Variants in CCSER1 observed in about 807,000 individuals in gnomAD.
The protein encoded by CCSER1 is coiled-coil serine rich protein 1.
CCSER1 carries 41 observed loss-of-function variants against 82.0 expected under a neutral mutation model. The observed-to-expected ratio is 0.50, with a 90% CI of 0.39 to 0.65. The LOEUF (loss-of-function observed/expected upper bound fraction) is 0.65, where lower values mean the gene tolerates loss of function less well. Ranked by LOEUF, CCSER1 falls within the 30% of genes least tolerant of loss-of-function variation. The pLI, the probability that CCSER1 is intolerant of heterozygous loss-of-function variation, is 0.00. For synonymous variants in CCSER1, 414 were observed against 383.9 expected, an observed-to-expected ratio of 1.08 and a Z score of -0.92; for missense variants, 1,119 against 1,064.2, an observed-to-expected ratio of 1.05 and a Z score of -0.72.
At chr4:91,006,535 G>C (rs1159873607) in intron 9 of CCSER1, among the ~76,000 whole-genome samples, 2 of 151,088 alleles carry the variant, frequency 1.3e-5, no homozygotes, top group Non-Finnish European at 2.9e-5. Flanking sequence ...TGTCACCCAG[G>C]ATGGAGTGCA....
intron 5 of CCSER1, among the ~76,000 whole-genome samples, chr4:90,618,224 T>G (rs1721659862): frequency 6.6e-6 from 1 of 152,050 alleles, no homozygotes; most frequent in Non-Finnish European, 1.5e-5. Flanking sequence ...TGAAAAGTAT[T>G]GGAAGCTTTA....
chr4:90,366,341 T>A (rs1482885843), intron 3 of CCSER1, among the ~76,000 whole-genome samples: 2 of 151,788 alleles, frequency 1.3e-5, no homozygotes, highest in African/African-American at 4.8e-5. Flanking sequence ...CTCTTTTTCT[T>A]CTAACAGAGA....
At chr4:90,552,543 C>A (rs1030428998) in intron 5 of CCSER1, among the ~76,000 whole-genome samples, 3 of 152,056 alleles carry the variant, frequency 2.0e-5, no homozygotes, top group African/African-American at 7.2e-5. Context: ...CTGCAACCTC[C>A]ACTTCCCGGG....
At position 90,790,368 on chromosome 4, in the gene CCSER1, A is replaced by G. The variant is rs146583252; in HGVS notation, c.2011-25394A>G. On this transcript the variant is annotated intron_variant, in intron 7 of 10. Coordinates refer to ENST00000509176, the MANE Select transcript of CCSER1 (RefSeq NM_001145065.2). ...ATTTATTGTTATGGAATAAATGACT[A>G]TGATTTGGTTTCTTTTGGTTTCTCT... Among the ~76,000 whole-genome samples the G allele has an allele frequency of 5.6e-3, 852 of 152,260 alleles. 10 individuals are homozygous for G. Among genetic ancestry groups the G allele is most frequent in the African/African-American group, 0.02 (815 of 41,544 alleles).
At chr4:90,891,337 C>A (rs1722941592) in intron 8 of CCSER1, among the ~76,000 whole-genome samples, 3 of 151,354 alleles carry the variant, frequency 2.0e-5, no homozygotes. Flanking sequence ...GTCAAGTAAA[C>A]ACAAAGATTA....
At chr4:90,913,871 C>A (rs1726847614) in intron 8 of CCSER1, among the ~76,000 whole-genome samples, 2 of 151,874 alleles carry the variant, frequency 1.3e-5, no homozygotes, top group African/African-American at 4.8e-5. Context: ...AGCCTTTAAA[C>A]CAACAAAAAT....
intron 9 of CCSER1, among the ~76,000 whole-genome samples, chr4:91,017,855 AAG>A (rs1739575545): frequency 6.7e-6 from 1 of 150,260 alleles, no homozygotes; most frequent in East Asian, 2.0e-4. Context: ...AAATTTTTTT[AAG>A]AGTCTCACTC....
At chr4:90,297,658 G>A (rs962599608) in intron 1 of CCSER1, among the ~76,000 whole-genome samples, 8 of 151,226 alleles carry the variant, frequency 5.3e-5, no homozygotes, top group Non-Finnish European at 1.0e-4. Flanking sequence ...ATTATTTTGA[G>A]ATACATCCCA....
chr4:91,298,542 G>A (rs141231835), intron 10 of CCSER1, among the ~76,000 whole-genome samples: 2 of 152,084 alleles, frequency 1.3e-5, no homozygotes, highest in Non-Finnish European at 2.9e-5. Context: ...TGGTGAATGT[G>A]GTTTCCAGGA....
At position 90,309,788 on chromosome 4, in the gene CCSER1, A is replaced by G. The variant is rs184579919; in HGVS notation, c.1324+180A>G. Among the ~76,000 whole-genome samples, 413 of 152,158 alleles carry G rather than the reference A, an allele frequency of 2.7e-3. 3 individuals are homozygous for G. The highest frequency in any genetic ancestry group is 9.6e-3 in the African/African-American group (398 of 41,534). ...CCTGCTTGATTTTAAACTTACATCA[A>G]TTGTGTTATGCTGAAAATGTAATTC... On this transcript the variant is annotated intron_variant, in intron 2 of 10. Transcript: ENST00000509176.
chr4:90,188,221 C>T (rs1316078017), intron 1 of CCSER1, among the ~76,000 whole-genome samples: 1 of 151,778 alleles, frequency 6.6e-6, no homozygotes, highest in Non-Finnish European at 1.5e-5. Context: ...AATGTATATT[C>T]CTCTAGGGTA....
intron 10 of CCSER1, among the ~76,000 whole-genome samples, chr4:91,415,250 G>C (rs1255033814): frequency 2.0e-5 from 3 of 152,066 alleles, no homozygotes; most frequent in Non-Finnish European, 1.5e-5. Context: ...AGTTTTTGCA[G>C]ATCTATTTTG....
At chr4:90,462,535 T>C (rs952890941) in intron 4 of CCSER1, among the ~76,000 whole-genome samples, 2 of 152,256 alleles carry the variant, frequency 1.3e-5, no homozygotes, top group South Asian at 2.1e-4. Flanking sequence ...ATTTGAATAA[T>C]TGGGGCTTGT....
At chr4:90,941,356 C>A (rs987436353) in intron 9 of CCSER1, among the ~76,000 whole-genome samples, 3 of 151,920 alleles carry the variant, frequency 2.0e-5, no homozygotes, top group East Asian at 1.9e-4. Flanking sequence ...TTAATGAAGA[C>A]CCTAAAGTAA....
At chr4:90,469,913 G>A (rs1764135044) in intron 5 of CCSER1, among the ~76,000 whole-genome samples, 2 of 152,216 alleles carry the variant, frequency 1.3e-5, no homozygotes, top group Middle Eastern at 3.4e-3. Context: ...TATTATATTA[G>A]TTGAGCATCC....
rs1166823263 is a variant in CCSER1 at position 91,044,187 on chromosome 4, C to T, written c.2173-41763C>T. 2.0e-5 allele frequency among the ~76,000 whole-genome samples: 3 copies of T among 152,104 alleles called. No homozygotes were observed. In the East Asian group the frequency reaches 5.8e-4, roughly 29 times the overall value. On this transcript the variant is annotated intron_variant, in intron 9 of 10. Transcript: ENST00000509176. Reference sequence around the variant, plus strand: ...AAATCCCAGCACTTGCCTTAAAAACCATCTAATTCATAATGGAGGCAGAGA... The same window carrying T: ...AAATCCCAGCACTTGCCTTAAAAACTATCTAATTCATAATGGAGGCAGAGA...
chr4:90,515,072 G>C (rs1222568558), intron 5 of CCSER1, among the ~76,000 whole-genome samples: 1 of 151,938 alleles, frequency 6.6e-6, no homozygotes, highest in African/African-American at 2.4e-5. Flanking sequence ...TGGTCAGGCT[G>C]GTCTCGAACT....
chr4:91,184,046 G>T (rs935821464), intron 10 of CCSER1, among the ~76,000 whole-genome samples: 1 of 152,192 alleles, frequency 6.6e-6, no homozygotes, highest in Non-Finnish European at 1.5e-5. Context: ...AGTAAGGAGT[G>T]CAGCAGTATG....
intron 9 of CCSER1, among the ~76,000 whole-genome samples, chr4:90,979,080 TTATACTTTC>T (rs1317324653): frequency 1.3e-5 from 2 of 151,638 alleles, no homozygotes; most frequent in African/African-American, 4.8e-5. Flanking sequence ...TAGTTCTAAG[TTATACTTTC>T]TGATGTGAAA....
Sources: gnomAD v4.1 joint callset for allele counts (sites outside exome capture counted in the v4.1 genomes callset) on GRCh38, gnomAD v4.1.1 for gene constraint, MANE v1.5 for transcripts, NCBI Gene and HGNC (gene_info 2026-07-23, HGNC 2026-07-21) for gene names.